CDIN1: variants seen among roughly 807,000 people sequenced by gnomAD.
CDIN1 encodes CDAN1 interacting nuclease 1.
CDIN1 carries 33 observed loss-of-function variants against 45.3 expected under a neutral mutation model. The observed-to-expected ratio is 0.73, with a 90% CI of 0.55 to 0.97. CDIN1 has a LOEUF of 0.97. Ranked by LOEUF, CDIN1 falls within the 50% of genes least tolerant of loss-of-function variation. The pLI, the probability that CDIN1 is intolerant of heterozygous loss-of-function variation, is 0.00. For missense variants in CDIN1, 303 were observed against 339.4 expected (o/e 0.89, Z 0.84); for synonymous variants, 118 against 124.4 (o/e 0.95, Z 0.34).
intron 5 of CDIN1, among the ~76,000 whole-genome samples, chr15:36,688,119 G>C (rs577024397): frequency 9.9e-5 from 15 of 152,018 alleles, no homozygotes; most frequent in Admixed American, 3.3e-4. Flanking sequence ...CTCAAAGTGG[G>C]AACGAGGAAA....
chr15:36,782,907 A>G (rs75855825), intron 10 of CDIN1, among the ~76,000 whole-genome samples: 1,882 of 152,294 alleles, frequency 0.012, 37 homozygotes, highest in African/African-American at 0.042. Context: ...TCTGCCAGCC[A>G]GACATGGTGG....
chr15:36,623,602 A>G (rs2039297788), intron 1 of CDIN1, among the ~76,000 whole-genome samples: 1 of 152,200 alleles, frequency 6.6e-6, no homozygotes, highest in Non-Finnish European at 1.5e-5. Flanking sequence ...CAGTACCCTG[A>G]ACAGGGTCCT....
At chr15:36,597,204 G>A (rs189047279) in intron 1 of CDIN1, among the ~76,000 whole-genome samples, 369 of 152,270 alleles carry the variant, frequency 2.4e-3, no homozygotes, top group Non-Finnish European at 4.5e-3. Flanking sequence ...GTTCATAATG[G>A]TTGGCTTGTA....
chr15:36,655,055 G>A (rs1566871382), intron 4 of CDIN1, among the ~76,000 whole-genome samples: 1 of 152,188 alleles, frequency 6.6e-6, no homozygotes, highest in Admixed American at 6.5e-5. Flanking sequence ...TGAGCATTAA[G>A]TGTTGCAGTA....
intron 7 of CDIN1, among the ~76,000 whole-genome samples, chr15:36,693,154 A>G (rs1346546482): frequency 6.6e-6 from 1 of 152,206 alleles, no homozygotes; most frequent in Non-Finnish European, 1.5e-5. Context: ...CTTCTTTCAC[A>G]AAGGCTTAGA....
chr15:36,647,766 C>A (rs939618662), intron 3 of CDIN1: 2 of 59,570 alleles, frequency 3.4e-5, no homozygotes, highest in Non-Finnish European at 6.5e-5. Flanking sequence ...ATGTTAATGG[C>A]AATTTAATTT....
At chr15:36,800,918 T>TATATATATATATAC (rs1555410965) in intron 10 of CDIN1, among the ~76,000 whole-genome samples, 1 of 94,168 alleles carries the variant, frequency 1.1e-5, no homozygotes, top group Non-Finnish European at 2.0e-5. Context: ...TGTATATATA[T>TATATATATATATAC]ATATATATAT....
chr15:36,744,066 A>G (rs2044333948), intron 10 of CDIN1, among the ~76,000 whole-genome samples: 2 of 151,930 alleles, frequency 1.3e-5, no homozygotes, highest in Non-Finnish European at 2.9e-5. Flanking sequence ...ATGCATCACC[A>G]GATGACTGAC....
chr15:36,593,343 T>C (rs2037671647), intron 1 of CDIN1, among the ~76,000 whole-genome samples: 1 of 152,190 alleles, frequency 6.6e-6, no homozygotes, highest in African/African-American at 2.4e-5. Flanking sequence ...AAGGGGGTTA[T>C]GCATTTATGA....
intron 10 of CDIN1, among the ~76,000 whole-genome samples, chr15:36,778,049 A>G (rs2054263655): frequency 6.6e-6 from 1 of 152,146 alleles, no homozygotes; most frequent in Non-Finnish European, 1.5e-5. Context: ...CCCCCTTGTG[A>G]AGAGAATGCA....
intron 4 of CDIN1, among the ~76,000 whole-genome samples, chr15:36,657,139 C>A (rs1279071469): frequency 6.6e-6 from 1 of 151,924 alleles, no homozygotes; most frequent in Non-Finnish European, 1.5e-5. Flanking sequence ...CTGACTGGTT[C>A]TTTATTTTAA....
At chr15:36,743,676 G>A (rs2044316999) in intron 10 of CDIN1, among the ~76,000 whole-genome samples, 1 of 152,064 alleles carries the variant, frequency 6.6e-6, no homozygotes, top group African/African-American at 2.4e-5. Context: ...AGGGATGCTT[G>A]AGCCCAGGAG....
At chr15:36,669,253 T>G (rs2041360114) in intron 5 of CDIN1, among the ~76,000 whole-genome samples, 1 of 152,128 alleles carries the variant, frequency 6.6e-6, no homozygotes, top group Non-Finnish European at 1.5e-5. Flanking sequence ...TGAAATTTAC[T>G]TTTTTCCTGC....
At chr15:36,669,947 C>T (rs1424149883) in intron 5 of CDIN1, among the ~76,000 whole-genome samples, 1 of 151,954 alleles carries the variant, frequency 6.6e-6, no homozygotes, top group Non-Finnish European at 1.5e-5. Context: ...CTATTTTTCC[C>T]TTTCCATACT....
intron 5 of CDIN1, among the ~76,000 whole-genome samples, chr15:36,665,249 G>A (rs2041204213): frequency 6.6e-6 from 1 of 152,088 alleles, no homozygotes; most frequent in Non-Finnish European, 1.5e-5. Context: ...AAATATTAAC[G>A]GTAATGATTG....
intron 10 of CDIN1, among the ~76,000 whole-genome samples, chr15:36,758,320 A>G (rs755231838): frequency 2.0e-5 from 3 of 152,156 alleles, no homozygotes; most frequent in Non-Finnish European, 2.9e-5. Context: ...AGTGTGAAAT[A>G]GTCTAGTGAT....
chr15:36,805,681 A>G (rs1197984892), intron 10 of CDIN1, among the ~76,000 whole-genome samples: 1 of 152,194 alleles, frequency 6.6e-6, no homozygotes, highest in African/African-American at 2.4e-5. Flanking sequence ...TTGATTATAT[A>G]AAGTTGCTTA....
intron 10 of CDIN1, among the ~76,000 whole-genome samples, chr15:36,739,386 T>C (rs1249920656): frequency 1.3e-5 from 2 of 151,982 alleles, no homozygotes; most frequent in African/African-American, 2.4e-5. Context: ...GCCTAGGCAA[T>C]AGAGTGAAAG....
chr15:36,685,634 G>C (rs2042013651), intron 5 of CDIN1, among the ~76,000 whole-genome samples: 1 of 152,062 alleles, frequency 6.6e-6, no homozygotes, highest in South Asian at 2.1e-4. Context: ...CCTACAAAAT[G>C]GGAGAAAATT....
Sources: gnomAD v4.1 joint callset for allele counts (sites outside exome capture counted in the v4.1 genomes callset) on GRCh38, gnomAD v4.1.1 for gene constraint, MANE v1.5 for transcripts, NCBI Gene and HGNC (gene_info 2026-07-23, HGNC 2026-07-21) for gene names.